Variants in CDIN1 observed in about 807,000 individuals in gnomAD.
CDIN1 encodes the protein CDAN1 interacting nuclease 1.
Under a neutral mutation model 45.3 loss-of-function variants are expected in CDIN1, and 33 were observed. The observed-to-expected ratio is 0.73, with a 90% CI of 0.55 to 0.97. The LOEUF is 0.97. Ranked by LOEUF, CDIN1 falls within the 50% of genes least tolerant of loss-of-function variation. CDIN1 has a pLI of 0.00. For synonymous variants in CDIN1, 118 were observed against 124.4 expected (o/e 0.95, Z 0.34); for missense variants, 303 against 339.4 (o/e 0.89, Z 0.84).
Position 36,808,828 on chromosome 15 carries a change from C to A in CDIN1, c.*375C>A, listed in dbSNP as rs1342640099. ...TCAATTCTCCTCCCAGTTACCGAAT[C>A]ACCCTCTTATTTTTTTTTCCCTAAG... On this transcript the variant is annotated 3_prime_UTR_variant, in exon 11 of 11. Coordinates refer to ENST00000566621, the MANE Select transcript of CDIN1 (RefSeq NM_001321759.2). The A allele has an allele frequency of 2.2e-6, 1 of 457,110 alleles. No homozygotes were observed. The highest frequency in any genetic ancestry group is 2.0e-5 in the African/African-American group (1 of 49,880). 28.3% of individuals were successfully genotyped at this position (457,110 alleles called of 1,614,324 possible).
At chr15:36,712,178 T>G (rs116823081) in intron 10 of CDIN1, among the ~76,000 whole-genome samples, 2,880 of 151,974 alleles carry the variant, frequency 0.019, 116 homozygotes, top group African/African-American at 0.065. Context: ...TAAAAACCAA[T>G]ATTACCTAAT....
chr15:36,728,799 G>A (rs11635218), intron 10 of CDIN1, among the ~76,000 whole-genome samples: 41,144 of 151,656 alleles, frequency 0.27, 5,933 homozygotes, highest in East Asian at 0.4. Context: ...TCAGCCTCCC[G>A]AGTAGCTGGG....
At chr15:36,746,377 A>C (rs2044431480) in intron 10 of CDIN1, among the ~76,000 whole-genome samples, 1 of 152,202 alleles carries the variant, frequency 6.6e-6, no homozygotes, top group African/African-American at 2.4e-5. Context: ...GAAGTGGAGA[A>C]AATATATATG....
intron 10 of CDIN1, chr15:36,756,101 A>T (rs2053602991): frequency 2.2e-6 from 1 of 455,918 alleles, no homozygotes; most frequent in African/African-American, 2.0e-5. Flanking sequence ...TTTGACCCCG[A>T]ACATGGTGAG....
At chr15:36,727,475 G>A (rs2043677995) in intron 10 of CDIN1, among the ~76,000 whole-genome samples, 1 of 152,122 alleles carries the variant, frequency 6.6e-6, no homozygotes, top group South Asian at 2.1e-4. Flanking sequence ...GCTTGCTTGT[G>A]AAGGCAGCGA....
chr15:36,591,455 C>CCAGCCTGTATGTAA (rs1566815930), intron 1 of CDIN1, among the ~76,000 whole-genome samples: 1 of 152,162 alleles, frequency 6.6e-6, no homozygotes, highest in Non-Finnish European at 1.5e-5. Flanking sequence ...ATAGACTCTT[C>CCAGCCTGTATGTAA]CAGCCTGTAT....
intron 1 of CDIN1, chr15:36,591,848 A>C (rs542744914): frequency 1.3e-5 from 2 of 152,356 alleles, no homozygotes; most frequent in African/African-American, 4.8e-5. Flanking sequence ...AAAACTCTCC[A>C]TTCATGCTTT....
At position 36,808,686 on chromosome 15, in the gene CDIN1, T is replaced by C. The variant is rs1165946052; in HGVS notation, c.*233T>C. The C allele has an allele frequency of 1.8e-6, 1 of 564,214 alleles. No homozygotes were observed. The highest frequency in any genetic ancestry group is 1.9e-5 in the African/African-American group (1 of 53,040). The allele number at this position is 564,214 out of a possible 1,614,324, so 35.0% of individuals were successfully genotyped here. ...AGACACAACCCACTCATTATCAGCA[T>C]TTCTGTCTCTGTCAAACAATTAGTT... On this transcript the variant is annotated 3_prime_UTR_variant, in exon 11 of 11. Coordinates refer to ENST00000566621, the MANE Select transcript of CDIN1 (RefSeq NM_001321759.2).
intron 10 of CDIN1, among the ~76,000 whole-genome samples, chr15:36,779,040 A>G (rs1227101394): frequency 6.6e-6 from 1 of 152,176 alleles, no homozygotes; most frequent in Non-Finnish European, 1.5e-5. Context: ...ATATTCATTT[A>G]CACAAAGCCA....
chr15:36,683,273 T>A (rs1359424788), intron 5 of CDIN1, among the ~76,000 whole-genome samples: 1 of 146,090 alleles, frequency 6.8e-6, no homozygotes, highest in Non-Finnish European at 1.5e-5. Context: ...AAGGAAGGGA[T>A]CCAGTTTCAG....
chr15:36,627,657 C>T (rs540198114), intron 1 of CDIN1: 9 of 152,466 alleles, frequency 5.9e-5, no homozygotes, highest in Non-Finnish European at 1.0e-4. Context: ...TAGTGGTACT[C>T]CACGTGGTCC....
At chr15:36,726,849 A>G (rs940927264) in intron 10 of CDIN1, among the ~76,000 whole-genome samples, 6 of 152,268 alleles carry the variant, frequency 3.9e-5, no homozygotes, top group African/African-American at 1.4e-4. Context: ...ATATGAAACA[A>G]TCTTTTAACA....
chr15:36,602,557 C>A (rs1288246759), intron 1 of CDIN1, among the ~76,000 whole-genome samples: 2 of 152,068 alleles, frequency 1.3e-5, no homozygotes, highest in Non-Finnish European at 2.9e-5. Context: ...ACAATAAATC[C>A]TTTATTGTAT....
At chr15:36,606,912 C>T (rs577414807) in intron 1 of CDIN1, among the ~76,000 whole-genome samples, 159 of 152,190 alleles carry the variant, frequency 1.0e-3, no homozygotes, top group African/African-American at 3.5e-3. Flanking sequence ...TGCCACCTGT[C>T]TAGGGATTAA....
chr15:36,653,165 A>G (rs1566869426), intron 3 of CDIN1, among the ~76,000 whole-genome samples: 1 of 152,166 alleles, frequency 6.6e-6, no homozygotes, highest in Non-Finnish European at 1.5e-5. Context: ...ACAATATGCT[A>G]CGTTACATGA....
At chr15:36,676,892 G>C (rs765763169) in intron 5 of CDIN1, among the ~76,000 whole-genome samples, 1 of 152,082 alleles carries the variant, frequency 6.6e-6, no homozygotes, top group Non-Finnish European at 1.5e-5. Context: ...CTTACCGTAA[G>C]TTTAAACTAT....
chr15:36,752,848 T>A (rs903705202), intron 10 of CDIN1, among the ~76,000 whole-genome samples: 1 of 152,112 alleles, frequency 6.6e-6, no homozygotes, highest in African/African-American at 2.4e-5. Flanking sequence ...CTGGAATTGA[T>A]TTTTTTAAAA....
intron 1 of CDIN1, among the ~76,000 whole-genome samples, chr15:36,623,492 G>A (rs1207264401): frequency 6.6e-6 from 1 of 152,180 alleles, no homozygotes; most frequent in African/African-American, 2.4e-5. Flanking sequence ...GTAGTGAATG[G>A]TGGATTTTAG....
At chr15:36,754,081 G>A (rs1388234870) in intron 10 of CDIN1, among the ~76,000 whole-genome samples, 7 of 152,102 alleles carry the variant, frequency 4.6e-5, no homozygotes, top group Non-Finnish European at 8.8e-5. Context: ...ATATCCTGCC[G>A]TTTTGTACAG....
Sources: allele counts gnomAD v4.1 joint callset (sites outside exome capture counted in the v4.1 genomes callset), GRCh38; gene constraint gnomAD v4.1.1; transcripts MANE v1.5; gene names NCBI Gene and HGNC (gene_info 2026-07-23, HGNC 2026-07-21).